Variants in KCNIP4 observed in about 807,000 individuals in gnomAD.
KCNIP4 encodes Kv channel-interacting protein 4.
A neutral mutation model predicts 34.0 loss-of-function variants in KCNIP4; 12 were observed. That is an observed-to-expected ratio of 0.35 (90% CI 0.23 to 0.57). The LOEUF (loss-of-function observed/expected upper bound fraction) is 0.57, where lower values mean the gene tolerates loss of function less well. KCNIP4 is among the 20% of genes least tolerant of loss of function. The probability of loss-of-function intolerance (pLI) is 0.83; values close to 1 mark genes in which losing one functional copy is unlikely to be tolerated. For synonymous variants in KCNIP4, 124 were observed against 102.2 expected, an observed-to-expected ratio of 1.21 and a Z score of -1.29; for missense variants, 238 against 311.7, an observed-to-expected ratio of 0.76 and a Z score of 1.78.
chr4:21,809,668 T>C (rs1721508181), intron 1 of KCNIP4, among the ~76,000 whole-genome samples: 1 of 152,214 alleles, frequency 6.6e-6, no homozygotes, highest in Admixed American at 6.5e-5. Flanking sequence ...ATATACCTAA[T>C]AGATTTACAG....
chr4:21,771,782 C>T (rs1718811001), intron 1 of KCNIP4, among the ~76,000 whole-genome samples: 2 of 152,240 alleles, frequency 1.3e-5, no homozygotes, highest in South Asian at 4.1e-4. Context: ...GATTTTGTAT[C>T]CTGAAACTTT....
chr4:20,894,581 GTCTAC>G (rs1369723919), intron 1 of KCNIP4, among the ~76,000 whole-genome samples: 2 of 152,118 alleles, frequency 1.3e-5, no homozygotes, highest in Non-Finnish European at 2.9e-5. Context: ...GAATCTCATA[GTCTAC>G]TCTAAGAGCT....
Position 21,375,198 on chromosome 4 carries a change from A to G in KCNIP4, c.62-492489T>C, listed in dbSNP as rs555489399. Among the ~76,000 whole-genome samples the G allele has an allele frequency of 3.5e-4, 42 of 120,850 alleles. 2 individuals carry two copies. Among genetic ancestry groups the G allele is most frequent in the Non-Finnish European group, 5.5e-4 (36 of 65,330 alleles). The allele number at this position is 120,850 out of a possible 152,430, so 79.3% of individuals were successfully genotyped here. A position where few individuals can be genotyped will look rare whatever the true frequency, so the allele number is the denominator to read the frequency against. On this transcript the variant is annotated intron_variant, in intron 1 of 8. Coordinates refer to ENST00000382152, the MANE Select transcript of KCNIP4 (RefSeq NM_025221.6). ...CCATGGAATGTAGCCTTTTATGTTT[A>G]TTGTTTTCATTTACATTCTGTCCAA...
intron 1 of KCNIP4, among the ~76,000 whole-genome samples, chr4:21,722,981 A>T (rs1196952948): frequency 6.6e-6 from 1 of 152,168 alleles, no homozygotes; most frequent in East Asian, 1.9e-4. Context: ...ACAAAAACAA[A>T]CAAACAAAAA....
At position 21,373,695 on chromosome 4, in the gene KCNIP4, CTTGT is replaced by C. The variant is rs1263018256; in HGVS notation, c.62-490990_62-490987del. Among the ~76,000 whole-genome samples the C allele has an allele frequency of 3.4e-5, 5 of 146,850 alleles. 2 individuals are homozygous for C. The highest frequency in any genetic ancestry group is 1.4e-4 in the African/African-American group (5 of 36,690). On this transcript the variant is annotated intron_variant, in intron 1 of 8. Coordinates refer to ENST00000382152, the MANE Select transcript of KCNIP4 (RefSeq NM_025221.6). ...GTTGGGTTTCTCATTTTCATTTTAT[CTTGT>C]TTATTTATTTATTTATTTATTTTGT...
intron 1 of KCNIP4, among the ~76,000 whole-genome samples, chr4:21,093,772 A>G (rs944822365): frequency 9.9e-5 from 15 of 152,126 alleles, no homozygotes; most frequent in African/African-American, 3.1e-4. Context: ...GGTATAATGG[A>G]TATTACAACA....
intron 1 of KCNIP4, among the ~76,000 whole-genome samples, chr4:21,170,054 A>G (rs1753907729): frequency 1.3e-5 from 2 of 152,176 alleles, no homozygotes; most frequent in Admixed American, 1.3e-4. Flanking sequence ...TTTTTATAGG[A>G]AAAGAAGGAA....
intron 1 of KCNIP4, among the ~76,000 whole-genome samples, chr4:21,641,456 T>C (rs1746611379): frequency 6.6e-6 from 1 of 152,164 alleles, no homozygotes; most frequent in Non-Finnish European, 1.5e-5. Context: ...GTTCACTTTG[T>C]TTGGAAGGAG....
chr4:21,216,593 T>G (rs1015974010), intron 1 of KCNIP4, among the ~76,000 whole-genome samples: 2 of 152,168 alleles, frequency 1.3e-5, no homozygotes, highest in Admixed American at 6.5e-5. Flanking sequence ...ATAATCAGAA[T>G]AGTTAGGTAA....
intron 1 of KCNIP4, among the ~76,000 whole-genome samples, chr4:21,357,086 A>G (rs940591181): frequency 3.9e-5 from 6 of 152,234 alleles, no homozygotes; most frequent in African/African-American, 1.4e-4. Flanking sequence ...TATTTAATAA[A>G]TGGTGCTGGG....
intron 1 of KCNIP4, among the ~76,000 whole-genome samples, chr4:21,684,002 G>A (rs1354313913): frequency 5.3e-5 from 8 of 151,770 alleles, no homozygotes; most frequent in Non-Finnish European, 1.0e-4. Context: ...GGAGGGAGAG[G>A]AGCAGAAAAA....
chr4:21,703,184 T>C (rs1260791460), intron 1 of KCNIP4, among the ~76,000 whole-genome samples: 3 of 151,960 alleles, frequency 2.0e-5, no homozygotes, highest in African/African-American at 4.8e-5. Context: ...CACCCAAAGA[T>C]AAGGATCAAG....
At chr4:20,778,082 A>T (rs920901340) in intron 3 of KCNIP4, among the ~76,000 whole-genome samples, 4 of 152,196 alleles carry the variant, frequency 2.6e-5, no homozygotes, top group Non-Finnish European at 4.4e-5. Flanking sequence ...CAAGTAACTC[A>T]AGGCCTCCAC....
intron 1 of KCNIP4, among the ~76,000 whole-genome samples, chr4:21,460,193 C>A (rs538248003): frequency 4.6e-5 from 7 of 150,712 alleles, no homozygotes; most frequent in Non-Finnish European, 7.4e-5. Context: ...AAGCATCCTG[C>A]GGCCTTGGGG....
chr4:21,114,207 A>C (rs10029228), intron 1 of KCNIP4, among the ~76,000 whole-genome samples: 44,987 of 152,090 alleles, frequency 0.3, 7,429 homozygotes, highest in African/African-American at 0.45. Context: ...GAGATTCTAC[A>C]AATCTTTGAG....
chr4:21,362,253 T>C (rs1719310418), intron 1 of KCNIP4, among the ~76,000 whole-genome samples: 1 of 152,154 alleles, frequency 6.6e-6, no homozygotes, highest in Admixed American at 6.5e-5. Context: ...AGATGAACCC[T>C]GTATTATGGC....
chr4:21,448,758 AT>A (rs1010212540), intron 1 of KCNIP4, among the ~76,000 whole-genome samples: 5 of 152,120 alleles, frequency 3.3e-5, no homozygotes, highest in Admixed American at 6.6e-5. Flanking sequence ...TAGCTGAGGG[AT>A]CCACTCAACT....
intron 1 of KCNIP4, among the ~76,000 whole-genome samples, chr4:21,054,818 G>A (rs1743265341): frequency 1.3e-5 from 2 of 151,716 alleles, no homozygotes. Flanking sequence ...AAATTCCTAG[G>A]AGATAACATA....
chr4:21,213,619 A>G (rs1242860101), intron 1 of KCNIP4, among the ~76,000 whole-genome samples: 1 of 151,998 alleles, frequency 6.6e-6, no homozygotes, highest in Non-Finnish European at 1.5e-5. Context: ...CTACTTCTAA[A>G]CTGTTAAACT....
Sources: allele counts gnomAD v4.1 joint callset (sites outside exome capture counted in the v4.1 genomes callset), GRCh38; gene constraint gnomAD v4.1.1; transcripts MANE v1.5; gene names NCBI Gene and HGNC (gene_info 2026-07-23, HGNC 2026-07-21).